The following NPAS4 variants were observed in gnomAD, a reference collection of about 807,000 sequenced individuals.
The protein encoded by NPAS4 is neuronal PAS domain-containing protein 4.
A neutral mutation model predicts 64.0 loss-of-function variants in NPAS4; 10 were observed. The observed-to-expected ratio is 0.16, with a 90% CI of 0.10 to 0.26. NPAS4 has a LOEUF of 0.26. Ranked by LOEUF, NPAS4 falls within the 10% of genes least tolerant of loss-of-function variation. The pLI is 1.00. For synonymous variants in NPAS4, 441 were observed against 411.7 expected, an observed-to-expected ratio of 1.07 and a Z score of -0.86; for missense variants, 886 against 992.6, an observed-to-expected ratio of 0.89 and a Z score of 1.44.
At chr11:66,409,902 T>A in the NPAS4 span, 1 of 152,336 alleles carries the variant, frequency 6.6e-6, no homozygotes, top group Non-Finnish European at 1.5e-5. Context: ...AGCTTCTGGA[T>A]GCCACGGACT....
At position 66,421,126 on chromosome 11, in the gene NPAS4, G is replaced by A; in HGVS notation, c.-54G>A. ...GGAGGAGGAAGCCGCCGGTGCGTCG[G>A]GACGGGAGCGCAGGTGCTCGGGCAC... On this transcript the variant is annotated 5_prime_UTR_variant, in exon 1 of 8. Transcript: ENST00000311034. 2 of 1,500,736 alleles carry A rather than the reference G, an allele frequency of 1.3e-6. No individual in the cohort carries two copies. The highest frequency in any genetic ancestry group is 2.4e-5 in the South Asian group (2 of 83,408). 93.0% of individuals were successfully genotyped at this position (1,500,736 alleles called of 1,614,324 possible).
upstream of NPAS4, among the ~76,000 whole-genome samples, chr11:66,419,816 G>C (rs1334005298): frequency 6.6e-6 from 1 of 152,214 alleles, no homozygotes; most frequent in African/African-American, 2.4e-5. Flanking sequence ...GGCAGAGCCA[G>C]GAGCCTTAGA....
upstream of NPAS4, among the ~76,000 whole-genome samples, chr11:66,420,059 C>T (rs1013369721): frequency 6.6e-6 from 1 of 152,172 alleles, no homozygotes; most frequent in Non-Finnish European, 1.5e-5. Context: ...GCTGGGATTC[C>T]CCCGGCCCCG....
chr11:66,422,460 G>T lies in NPAS4; in HGVS notation c.337G>T (p.Val113Phe). The T allele has an allele frequency of 6.2e-7, 1 of 1,613,416 alleles. No individual in the cohort carries two copies. The highest frequency in any genetic ancestry group is 8.5e-7 in the Non-Finnish European group (1 of 1,179,416). The change falls in exon 3 of 8, where the codon GTT becomes TTT. Residue 113 changes from valine (V) to phenylalanine (F), a missense_variant. Transcript: ENST00000311034. The stretch of plus-strand genomic sequence containing the variant: ...CTTTTCCTCCCTCCAGGTGGACCTG[G>T]TTGCCCAGGGTGACAGCATCTACGA... ...EHLGHSMVDLVAQGDSIYDII... is the reference protein window; with the variant it reads ...EHLGHSMVDLFAQGDSIYDII...
intron 6 of NPAS4, 40 bp downstream of exon 6, chr11:66,423,753 G>T (rs376121975): frequency 3.7e-4 from 600 of 1,612,140 alleles, no homozygotes; most frequent in Non-Finnish European, 4.8e-4. Context: ...AGCTGAGGTC[G>T]TCATGGAGGA....
At chr11:66,423,526 T>C in intron 5 of NPAS4, 52 bp from the exon 6 acceptor site, 1 of 1,605,086 alleles carries the variant, frequency 6.2e-7, no homozygotes, top group Non-Finnish European at 8.5e-7. Flanking sequence ...GGGTGGGGAG[T>C]AGGTAGAATT....
Position 66,422,776 on chromosome 11 carries a change from C to T in NPAS4, c.533C>T (p.Pro178Leu). The T allele has an allele frequency of 6.2e-7, 1 of 1,614,228 alleles. No individual in the cohort carries two copies. Among genetic ancestry groups the T allele is most frequent in the East Asian group, 2.2e-5 (1 of 44,872 alleles). The change falls in exon 4 of 8, where the codon CCT becomes CTT. Residue 178 changes from proline (P) to leucine (L), a missense_variant. Coordinates refer to ENST00000311034, the MANE Select transcript of NPAS4 (RefSeq NM_178864.4). The part of the protein sequence containing the change: ...LIRGRFHAHP[P>L]GAYWAGNPVF... ...CGAGGCCGATTCCATGCTCACCCAC[C>T]TGGAGCCTACTGGGCAGGAAATCCC...
At position 66,423,157 on chromosome 11, in the gene NPAS4, C is replaced by T. The variant is rs1232838413; in HGVS notation, c.733C>T (p.Leu245=). 1 of 1,611,666 alleles carries T rather than the reference C, an allele frequency of 6.2e-7. No homozygotes were observed. The highest frequency in any genetic ancestry group is 1.7e-5 in the Admixed American group (1 of 59,734). ...CTACCTGGGCTTTGAGCGCAGTGAA[C>T]TGCTTTGTAAATCATGGTATGGACT... is the stretch of plus-strand genomic sequence containing the variant. The part of the protein sequence containing the change: ...LIYLGFERSE[L]LCKSWYGLLH... Residue 245 remains leucine, a synonymous_variant, in exon 5 of 8, where the codon CTG becomes TTG. Transcript: ENST00000311034.
chr11:66,416,721 G>A (rs566389694), upstream of NPAS4: 10 of 152,258 alleles, frequency 6.6e-5, no homozygotes, highest in Non-Finnish European at 1.5e-4. Flanking sequence ...CCCATTCAGT[G>A]ATTCATTCAT....
chr11:66,418,744 C>G (rs1856696939), upstream of NPAS4, among the ~76,000 whole-genome samples: 1 of 152,198 alleles, frequency 6.6e-6, no homozygotes, highest in African/African-American at 2.4e-5. Context: ...CCTGCAAACC[C>G]TCCATATTCA....
intron 5 of NPAS4, 153 bp from the exon 6 acceptor site, chr11:66,423,425 T>G: frequency 1.1e-6 from 1 of 903,038 alleles, no homozygotes; most frequent in Non-Finnish European, 1.7e-6. Context: ...CTCTGAGTGG[T>G]GAGGTCAAGG....
At chr11:66,419,037 C>T (rs1856700005), upstream of NPAS4, among the ~76,000 whole-genome samples, 1 of 152,124 alleles carries the variant, frequency 6.6e-6, no homozygotes, top group Non-Finnish European at 1.5e-5. Context: ...GGAACAACCC[C>T]CCTGGAATTT....
At chr11:66,425,318 G>C (rs368131757) in intron 7 of NPAS4, 48 bp downstream of exon 7, 1 of 1,132,390 alleles carries the variant, frequency 8.8e-7, no homozygotes, top group African/African-American at 1.6e-5. Flanking sequence ...TCCTGCCAAT[G>C]AAATGCTGGG....
the NPAS4 span, among the ~76,000 whole-genome samples, chr11:66,414,695 G>A: frequency 1.4e-4 from 22 of 152,254 alleles, no homozygotes; most frequent in African/African-American, 5.3e-4. Flanking sequence ...TTGCTAAGAT[G>A]CAGCGGAAGA....
rs1371662129 is a variant in NPAS4 at position 66,421,163 on chromosome 11, C to T, written c.-17C>T. On this transcript the variant is annotated 5_prime_UTR_variant, in exon 1 of 8. Transcript: ENST00000311034. The stretch of plus-strand genomic sequence containing the variant: ...AGGTGCTCGGGCACCCGAGCTGGAG[C>T]TCCGCAGCCGCCGGTCATGTACCGC... The T allele has an allele frequency of 6.3e-7, 1 of 1,580,368 alleles. No individual in the cohort carries two copies. Among genetic ancestry groups the T allele is most frequent in the Non-Finnish European group, 8.6e-7 (1 of 1,162,394 alleles).
At chr11:66,412,265 A>C in the NPAS4 span, among the ~76,000 whole-genome samples, 87,287 of 152,138 alleles carry the variant, frequency 0.57, 27,819 homozygotes, top group South Asian at 0.79. Flanking sequence ...CCGGCCCGGG[A>C]CCTCCGTCTC....
rs770346317 is a variant in NPAS4, at chr11:66,422,939, G to A, written c.696G>A (p.Glu232=). ...ACCTGGCTCTACTGGACATCTCCGA[G>A]AGGTAAGCCTGGAGTGTTCAGATTC... is the stretch of plus-strand genomic sequence containing the variant. ...AKDLALLDIS[E]SVLIYLGFER... Residue 232 remains glutamate (E), a splice_region_variant and synonymous_variant, in exon 4 of 8, where the codon GAG becomes GAA. Coordinates refer to ENST00000311034, the MANE Select transcript of NPAS4 (RefSeq NM_178864.4). 1.2e-6 allele frequency: 2 copies of A among 1,603,956 alleles called. No homozygotes were observed. Among genetic ancestry groups the A allele is most frequent in the South Asian group, 2.2e-5 (2 of 91,072 alleles).
intron 1 of NPAS4, 40 bp downstream of exon 1, chr11:66,421,394 C>A (rs1357053659): frequency 2.5e-6 from 4 of 1,593,692 alleles, no homozygotes; most frequent in Non-Finnish European, 3.4e-6. Context: ...AGCTGCCAGG[C>A]GCCGGAGACC....
At chr11:66,410,570 C>T in the NPAS4 span, 2 of 152,246 alleles carry the variant, frequency 1.3e-5, no homozygotes, top group African/African-American at 2.4e-5. Context: ...GGCCCAGGCT[C>T]CTCAGCACCT....
Sources: allele counts gnomAD v4.1 joint callset (sites outside exome capture counted in the v4.1 genomes callset), GRCh38; gene constraint gnomAD v4.1.1; transcripts MANE v1.5; gene names NCBI Gene and HGNC (gene_info 2026-07-23, HGNC 2026-07-21).